The following KIRREL1 variants were observed in gnomAD, a reference collection of about 807,000 sequenced individuals.
KIRREL1 encodes the protein kirre like nephrin family adhesion molecule 1.
KIRREL1 carries 25 observed loss-of-function variants against 83.3 expected under a neutral mutation model. The observed-to-expected ratio is 0.30, with a 90% CI of 0.22 to 0.42. The LOEUF is 0.42. Among genes scored for constraint, KIRREL1 ranks in the 10% least tolerant of loss-of-function variants. The pLI, the probability that KIRREL1 is intolerant of heterozygous loss-of-function variation, is 1.00. For missense variants in KIRREL1, 812 were observed against 1,032.3 expected, an observed-to-expected ratio of 0.79 and a Z score of 2.92; for synonymous variants, 388 against 410.4, an observed-to-expected ratio of 0.95 and a Z score of 0.66.
At chr1:158,015,688 A>T (rs1469835336) in intron 1 of KIRREL1, among the ~76,000 whole-genome samples, 1 of 152,168 alleles carries the variant, frequency 6.6e-6, no homozygotes, top group African/African-American at 2.4e-5. Context: ...TGTAAATTGT[A>T]TCATGAATTT....
intron 1 of KIRREL1, among the ~76,000 whole-genome samples, chr1:158,036,072 C>G (rs1461681463): frequency 2.0e-5 from 3 of 152,032 alleles, no homozygotes; most frequent in Non-Finnish European, 2.9e-5. Flanking sequence ...CAGTCAAAAC[C>G]CAGGGATACT....
chr1:158,056,022 C>G (rs1661047550), intron 1 of KIRREL1, among the ~76,000 whole-genome samples: 1 of 152,204 alleles, frequency 6.6e-6, no homozygotes, highest in Admixed American at 6.5e-5. Flanking sequence ...TCAGCCCCAT[C>G]CCCCTCCCTC....
chr1:158,093,311 C>T (rs762740707), intron 11 of KIRREL1, 28 bp from the exon 12 acceptor site: 3 of 1,582,848 alleles, frequency 1.9e-6, no homozygotes, highest in African/African-American at 2.7e-5. Flanking sequence ...CCAGCCTCAC[C>T]CCTCCACCTT....
At chr1:158,045,700 T>A (rs1487982012) in intron 1 of KIRREL1, among the ~76,000 whole-genome samples, 1 of 152,142 alleles carries the variant, frequency 6.6e-6, no homozygotes, top group Non-Finnish European at 1.5e-5. Context: ...ATCAAATCAT[T>A]TTGGCATGTG....
At chr1:157,994,351 G>A (rs1322815008) in intron 1 of KIRREL1, among the ~76,000 whole-genome samples, 3 of 146,798 alleles carry the variant, frequency 2.0e-5, no homozygotes, top group African/African-American at 7.5e-5. Flanking sequence ...GTGGAGAGTG[G>A]AGTTCCACAT....
At chr1:158,007,818 C>T (rs145397018) in intron 1 of KIRREL1, among the ~76,000 whole-genome samples, 3,987 of 152,078 alleles carry the variant, frequency 0.026, 70 homozygotes, top group Middle Eastern at 0.072. Flanking sequence ...AGCCCCTGTG[C>T]CCTCGCTTCT....
chr1:158,009,705 T>C (rs1215374401), intron 1 of KIRREL1, among the ~76,000 whole-genome samples: 1 of 152,216 alleles, frequency 6.6e-6, no homozygotes, highest in Admixed American at 6.5e-5. Context: ...AAATTGCCTG[T>C]TCAAGCTGGG....
At chr1:157,999,903 A>G (rs1659309124) in intron 1 of KIRREL1, among the ~76,000 whole-genome samples, 1 of 152,196 alleles carries the variant, frequency 6.6e-6, no homozygotes, top group African/African-American at 2.4e-5. Flanking sequence ...TGTATTTTAC[A>G]TGCATTAGTA....
chr1:158,019,463 G>C (rs1659939132), intron 1 of KIRREL1, among the ~76,000 whole-genome samples: 1 of 152,166 alleles, frequency 6.6e-6, no homozygotes, highest in Admixed American at 6.5e-5. Context: ...GGGTGATTGA[G>C]AGGGGGAGGT....
intron 1 of KIRREL1, among the ~76,000 whole-genome samples, chr1:158,019,552 T>C (rs1330358029): frequency 6.6e-6 from 1 of 152,078 alleles, no homozygotes; most frequent in East Asian, 1.9e-4. Context: ...CATCCCAGGC[T>C]GAGCTCCACA....
rs1662072506 is a variant in KIRREL1, at chr1:158,088,151, C to T, written c.913C>T (p.His305Tyr). ...CAATGTCAGCACTTTAGTAAATGTC[C>T]ACTGTGAGTAGCTGGGAGGGCAGGG... ...STNVSTLVNV[H>Y]FAPRIVVDPK... The change falls in exon 7 of 15, where the codon CAC (histidine) becomes TAC (tyrosine). Residue 305 changes from histidine to tyrosine, a missense_variant. Transcript: ENST00000359209. The T allele has an allele frequency of 2.2e-5, 35 of 1,614,162 alleles. No individual in the cohort carries two copies. The highest frequency in any genetic ancestry group is 2.7e-5 in the Non-Finnish European group (32 of 1,180,036).
rs186828404 is a variant in KIRREL1 at position 158,038,582 on chromosome 1, C to A, written c.53-37531C>A. 3.3e-5 allele frequency among the ~76,000 whole-genome samples: 5 copies of A among 151,068 alleles called. No homozygotes were observed. In the East Asian group the frequency reaches 9.7e-4, roughly 29 times the overall value. On this transcript the variant is annotated intron_variant, in intron 1 of 14. Transcript: ENST00000359209. The stretch of plus-strand genomic sequence containing the variant: ...CCTCAAGTGATTCTTGCCTTGGCCC[C>A]CCCAAAACACTGAGATTACAGACGT...
intron 1 of KIRREL1, among the ~76,000 whole-genome samples, chr1:158,056,500 A>G (rs877872): frequency 0.19 from 28,569 of 152,118 alleles, 2,791 homozygotes; most frequent in Admixed American, 0.23. Flanking sequence ...GGCAGGGGTC[A>G]GGTTGGCTGT....
rs1403232667 is a variant in KIRREL1 at position 158,097,723 on chromosome 1, A to G, written c.*2603A>G. ...GAGTGGAAGGCGTCCTTGATCACAG[A>G]GCTTTGCTGTCGAATCCTGGAGTCC... On this transcript the variant is annotated 3_prime_UTR_variant, in exon 15 of 15. Coordinates refer to ENST00000359209, the MANE Select transcript of KIRREL1 (RefSeq NM_018240.7). 1 of 152,450 alleles carries G rather than the reference A, an allele frequency of 6.6e-6. No homozygotes were observed. Among genetic ancestry groups the G allele is most frequent in the Non-Finnish European group, 1.5e-5 (1 of 68,310 alleles). The allele number at this position is 152,450 out of a possible 1,614,324, so 9.4% of individuals were successfully genotyped here.
At chr1:158,054,495 G>T (rs571034603) in intron 1 of KIRREL1, among the ~76,000 whole-genome samples, 4 of 152,218 alleles carry the variant, frequency 2.6e-5, no homozygotes, top group Admixed American at 2.6e-4. Context: ...GAACTTGTAA[G>T]GACATTTTCT....
chr1:158,012,885 T>A (rs1332475000), intron 1 of KIRREL1, among the ~76,000 whole-genome samples: 1 of 152,256 alleles, frequency 6.6e-6, no homozygotes, highest in African/African-American at 2.4e-5. Flanking sequence ...TGGACACAGC[T>A]AACCCTTTGT....
chr1:158,075,967 G>C lies in KIRREL1; in HGVS notation c.53-146G>C, dbSNP rs545257283. 41 of 684,932 alleles carry C rather than the reference G, an allele frequency of 6.0e-5. No homozygotes were observed. In the East Asian group the frequency reaches 1.1e-3, roughly 18 times the overall value. 42.4% of individuals were successfully genotyped at this position (684,932 alleles called of 1,614,324 possible). A position where few individuals can be genotyped will look rare whatever the true frequency, so the allele number is the denominator to read the frequency against. On this transcript the variant is annotated intron_variant, in intron 1 of 14. Coordinates refer to ENST00000359209, the MANE Select transcript of KIRREL1 (RefSeq NM_018240.7). Reference sequence around the variant, plus strand: ...AAGGACGTGGCATCTTGAAACAAAGGGGTTGAGGCTGAAGGGGGGCAGGGA... The same window carrying C: ...AAGGACGTGGCATCTTGAAACAAAGCGGTTGAGGCTGAAGGGGGGCAGGGA...
intron 5 of KIRREL1, 41 bp downstream of exon 5, chr1:158,086,787 A>G (rs1662029913): frequency 6.5e-7 from 1 of 1,530,390 alleles, no homozygotes; most frequent in African/African-American, 1.4e-5. Context: ...AGGGGGGTGG[A>G]AGAAGGGGTG....
intron 2 of KIRREL1, 145 bp downstream of exon 2, chr1:158,076,407 G>A (rs1661683469): frequency 1.3e-6 from 1 of 740,968 alleles, no homozygotes; most frequent in South Asian, 1.7e-5. Flanking sequence ...CTGCTACTGA[G>A]CTCCATTTCT....
Sources: gnomAD v4.1 joint callset for allele counts (sites outside exome capture counted in the v4.1 genomes callset) on GRCh38, gnomAD v4.1.1 for gene constraint, MANE v1.5 for transcripts, NCBI Gene and HGNC (gene_info 2026-07-23, HGNC 2026-07-21) for gene names.